The following BCAS3 variants were observed in gnomAD, a reference collection of about 807,000 sequenced individuals.
BCAS3 encodes the protein BCAS3 microtubule associated cell migration factor.
In BCAS3, 53 loss-of-function variants were observed where a neutral mutation model predicts 116.1. The ratio of observed to expected loss-of-function variants is 0.46; its 90% CI spans 0.37 to 0.57. The LOEUF (loss-of-function observed/expected upper bound fraction) is 0.57. Ranked by LOEUF, BCAS3 falls within the 20% of genes least tolerant of loss-of-function variation. BCAS3 has a pLI of 0.00. For missense variants in BCAS3, 917 were observed against 1,165.4 expected (o/e 0.79, Z 3.10); for synonymous variants, 391 against 408.2 (o/e 0.96, Z 0.51).
rs1601941707 is a variant in BCAS3, at chr17:61,213,250, A to T, written c.2425+128686A>T. On this transcript the variant is annotated intron_variant, in intron 22 of 23. Transcript: ENST00000407086. This position sits in a 1 kb window ranked among gnomAD's most constrained non-coding sequence, Gnocchi z 5.4. ...GGTGGTGCAGTCTTGGCTCACTGCAACCTCTGGTCCCCGGGTTCAAGCGAT... is the reference window on the plus strand; with the variant it reads ...GGTGGTGCAGTCTTGGCTCACTGCATCCTCTGGTCCCCGGGTTCAAGCGAT... Among the ~76,000 whole-genome samples, 1 of 151,896 alleles carries T rather than the reference A, an allele frequency of 6.6e-6. No individual in the cohort carries two copies. The highest frequency in any genetic ancestry group is 1.5e-5 in the Non-Finnish European group (1 of 67,984).
intron 14 of BCAS3, among the ~76,000 whole-genome samples, chr17:60,983,424 A>C (rs569477965): frequency 6.6e-6 from 1 of 152,176 alleles, no homozygotes; most frequent in Non-Finnish European, 1.5e-5. Context: ...TGGATAGGCA[A>C]CTTGTTATCC....
intron 6 of BCAS3, among the ~76,000 whole-genome samples, chr17:60,769,924 G>A (rs527478987): frequency 2.6e-5 from 4 of 151,962 alleles, no homozygotes; most frequent in South Asian, 2.1e-4. Context: ...ACAGGTGCCC[G>A]CCACCATGCC....
intron 13 of BCAS3, among the ~76,000 whole-genome samples, chr17:60,931,474 A>T (rs1407197598): frequency 6.6e-6 from 1 of 151,840 alleles, no homozygotes; most frequent in African/African-American, 2.4e-5. Context: ...ATGGCATTTC[A>T]CCATGTTGCA....
chr17:61,043,965 T>C (rs1240739959), intron 19 of BCAS3, among the ~76,000 whole-genome samples: 3 of 152,018 alleles, frequency 2.0e-5, no homozygotes, highest in Non-Finnish European at 4.4e-5. Flanking sequence ...ATTCCTTGAT[T>C]TAACTCACCA....
intron 16 of BCAS3, among the ~76,000 whole-genome samples, chr17:61,018,674 C>T (rs897516007): frequency 3.3e-5 from 5 of 151,962 alleles, no homozygotes; most frequent in East Asian, 3.9e-4. Flanking sequence ...AACACTAACA[C>T]GTCATTCACG....
rs923845757 is a variant in BCAS3 at position 61,387,055 on chromosome 17, G to A, written c.2594-4922G>A. Among the ~76,000 whole-genome samples, 8 of 152,186 alleles carry A rather than the reference G, an allele frequency of 5.3e-5. No individual in the cohort carries two copies. Among genetic ancestry groups the A allele is most frequent in the Non-Finnish European group, 1.0e-4 (7 of 68,038 alleles). ...TCCCAAAGTGTGGGATTACAGGTGT[G>A]AGCCACTGCACCTGGCCCGACTTCA... On this transcript the variant is annotated intron_variant, in intron 23 of 23. Transcript: ENST00000407086. This position sits in a 1 kb window ranked among gnomAD's most constrained non-coding sequence, Gnocchi z 6.2.
chr17:60,726,920 T>G (rs184983803), intron 5 of BCAS3, among the ~76,000 whole-genome samples: 36 of 152,278 alleles, frequency 2.4e-4, no homozygotes, highest in African/African-American at 8.4e-4. Flanking sequence ...TTAGGCATAT[T>G]GCATATATTA....
chr17:61,049,024 T>C (rs2068596820), intron 19 of BCAS3, among the ~76,000 whole-genome samples: 1 of 151,976 alleles, frequency 6.6e-6, no homozygotes, highest in African/African-American at 2.4e-5. Flanking sequence ...TGAAGATAGA[T>C]TATAAATTGC....
Position 61,128,180 on chromosome 17 carries a change from A to T in BCAS3, c.2425+43616A>T. On this transcript the variant is annotated intron_variant, in intron 22 of 23. Coordinates refer to ENST00000407086, the MANE Select transcript of BCAS3 (RefSeq NM_017679.5). The surrounding 1 kb of genome is among the most constrained non-coding windows in gnomAD (Gnocchi z 4.1). ...AACTCAATCTGGTTTTCTTTTAGGA[A>T]GCCTTCCACCAGGAATAGTGTGAGT... 1.0e-6 allele frequency: 1 copy of T among 985,438 alleles called. No individual in the cohort carries two copies. The allele number at this position is 985,438 out of a possible 1,614,324, so 61.0% of individuals were successfully genotyped here.
intron 13 of BCAS3, among the ~76,000 whole-genome samples, chr17:60,942,209 T>C (rs1398125220): frequency 6.6e-6 from 1 of 152,178 alleles, no homozygotes; most frequent in Non-Finnish European, 1.5e-5. Flanking sequence ...GCAGATTGCC[T>C]GAGCTCGGGA....
intron 18 of BCAS3, among the ~76,000 whole-genome samples, chr17:61,038,890 A>C (rs1430447362): frequency 6.7e-6 from 1 of 148,688 alleles, no homozygotes; most frequent in Non-Finnish European, 1.5e-5. Context: ...CATACTCTTG[A>C]CCTCAGGTGA....
chr17:61,112,948 C>T (rs1353081969), intron 22 of BCAS3, among the ~76,000 whole-genome samples: 1 of 143,110 alleles, frequency 7.0e-6, no homozygotes, highest in African/African-American at 2.5e-5. Flanking sequence ...CAAAACCGCT[C>T]AACTACATGG....
intron 23 of BCAS3, chr17:61,382,980 T>G (rs575759500): frequency 6.6e-6 from 1 of 152,330 alleles, no homozygotes; most frequent in Non-Finnish European, 1.5e-5. Context: ...CCTTCAGCTG[T>G]CCAGAGCCCT....
At chr17:60,838,086 A>AC (rs1403621677) in intron 7 of BCAS3, among the ~76,000 whole-genome samples, 10 of 152,168 alleles carry the variant, frequency 6.6e-5, no homozygotes, top group African/African-American at 2.4e-4. Context: ...GGCGAGATAA[A>AC]CCCCACAAAT....
chr17:61,260,485 A>G (rs746975214), intron 22 of BCAS3, among the ~76,000 whole-genome samples: 9 of 152,224 alleles, frequency 5.9e-5, no homozygotes, highest in Non-Finnish European at 1.2e-4. Flanking sequence ...ATGCCCTGCC[A>G]CTGTTGTTTT....
rs949098418 is a variant in BCAS3, at chr17:61,324,659, CT to C, written c.2426-43666del. 6.6e-6 allele frequency among the ~76,000 whole-genome samples: 1 copy of C among 152,180 alleles called. No individual in the cohort carries two copies. The highest frequency in any genetic ancestry group is 1.5e-5 in the Non-Finnish European group (1 of 68,028). ...CCCTGCCAGCCACTAGCTGTTTGACCTTGGCTGAGTCATTTCCTCTCCCTCA... is the reference window on the plus strand; with the variant it reads ...CCCTGCCAGCCACTAGCTGTTTGACCTGGCTGAGTCATTTCCTCTCCCTCA... On this transcript the variant is annotated intron_variant, in intron 22 of 23. Transcript: ENST00000407086. The surrounding 1 kb of genome is among the most constrained non-coding windows in gnomAD (Gnocchi z 4.6).
chr17:60,692,464 G>A (rs185583163), intron 4 of BCAS3, among the ~76,000 whole-genome samples: 7 of 152,134 alleles, frequency 4.6e-5, no homozygotes, highest in African/African-American at 7.2e-5. Context: ...GGATGGTCTC[G>A]ATCTCCTGAC....
intron 15 of BCAS3, among the ~76,000 whole-genome samples, chr17:60,996,174 G>C (rs2063822543): frequency 6.6e-6 from 1 of 152,144 alleles, no homozygotes; most frequent in African/African-American, 2.4e-5. Context: ...GGAGGGCATT[G>C]AGAATAAGAG....
At chr17:61,154,257 T>C (rs16944900) in intron 22 of BCAS3, among the ~76,000 whole-genome samples, 8,878 of 152,162 alleles carry the variant, frequency 0.058, 862 homozygotes, top group African/African-American at 0.2. Context: ...ACAGCCAAGA[T>C]TGTGAACTGA....
Sources: allele counts gnomAD v4.1 joint callset (sites outside exome capture counted in the v4.1 genomes callset), GRCh38; gene constraint gnomAD v4.1.1; non-coding constraint Gnocchi (gnomAD v3.1); transcripts MANE v1.5; gene names NCBI Gene and HGNC (gene_info 2026-07-23, HGNC 2026-07-21).